Variants in NTF3 observed in about 807,000 individuals in gnomAD.
NTF3 encodes neurotrophin-3.
In NTF3, 8 loss-of-function variants were observed where a neutral mutation model predicts 26.3. The observed-to-expected ratio is 0.30, with a 90% confidence interval of 0.18 to 0.55. The LOEUF (loss-of-function observed/expected upper bound fraction) is 0.55, where lower values mean the gene tolerates loss of function less well. Ranked by LOEUF, NTF3 falls within the 20% of genes least tolerant of loss-of-function variation. NTF3 has a pLI of 0.93. For missense variants in NTF3, 276 were observed against 352.9 expected, an observed-to-expected ratio of 0.78 and a Z score of 1.75; for synonymous variants, 154 against 145.5, an observed-to-expected ratio of 1.06 and a Z score of -0.42.
rs566903014 is a variant in NTF3 at position 5,433,803 on chromosome 12, G to C, written c.18+1461G>C. Among the ~76,000 whole-genome samples the C allele has an allele frequency of 2.6e-5, 4 of 151,646 alleles. No homozygotes were observed. The highest frequency in any genetic ancestry group is 9.7e-5 in the African/African-American group (4 of 41,334). ...TCAGAGCTAGAGAGCTCGGGAGACTGTGCGCCTGTGGACTTGTTTATGTGT... is the reference window on the plus strand; with the variant it reads ...TCAGAGCTAGAGAGCTCGGGAGACTCTGCGCCTGTGGACTTGTTTATGTGT... On this transcript the variant is annotated intron_variant, in intron 1 of 1. Coordinates refer to ENST00000423158, the MANE Select transcript of NTF3 (RefSeq NM_001102654.2). The surrounding 1 kb of genome is among the most constrained non-coding windows in gnomAD (Gnocchi z 4.6).
chr12:5,480,967 C>T (rs997150993), intron 1 of NTF3, among the ~76,000 whole-genome samples: 10 of 152,198 alleles, frequency 6.6e-5, no homozygotes, highest in Admixed American at 5.9e-4. Flanking sequence ...CACATGTTTC[C>T]AGTTCATGGG....
chr12:5,494,454 A>G lies in NTF3; in HGVS notation c.279A>G (p.Ser93=). 1 of 1,613,672 alleles carries G rather than the reference A, an allele frequency of 6.2e-7. No homozygotes were observed. The highest frequency in any genetic ancestry group is 8.5e-7 in the Non-Finnish European group (1 of 1,179,998). ...REPERGGPAK[S]AFQPVIAMDT... is the part of the protein sequence containing the mutation. ...CGGAGCGGGGAGGGCCCGCCAAGTC[A>G]GCATTCCAGCCGGTGATTGCAATGG... Residue 93 remains serine (S), a synonymous_variant, in exon 2 of 2, where the codon TCA becomes TCG. Coordinates refer to ENST00000423158, the MANE Select transcript of NTF3 (RefSeq NM_001102654.2). This position sits in a 1 kb window ranked among gnomAD's most constrained non-coding sequence, Gnocchi z 8.3.
chr12:5,432,479 A>G, intron 1 of NTF3, 137 bp downstream of exon 1: 1 of 985,898 alleles, frequency 1.0e-6, no homozygotes, highest in East Asian at 2.8e-5. Context: ...GCGCTCACTC[A>G]CTTTCCCGGG....
intron 1 of NTF3, among the ~76,000 whole-genome samples, chr12:5,484,190 G>A (rs565816776): frequency 6.6e-6 from 1 of 152,182 alleles, no homozygotes; most frequent in East Asian, 1.9e-4. Flanking sequence ...TCCAGCTCTT[G>A]TACTGATGGA....
At chr12:5,481,578 C>CACA (rs1182544551) in intron 1 of NTF3, among the ~76,000 whole-genome samples, 3 of 24,214 alleles carry the variant, frequency 1.2e-4, no homozygotes, top group South Asian at 1.4e-3. Context: ...CATACATGCA[C>CACA]CACACAGAAT....
intron 1 of NTF3, among the ~76,000 whole-genome samples, chr12:5,467,427 T>C (rs943030203): frequency 6.6e-6 from 1 of 152,112 alleles, no homozygotes; most frequent in African/African-American, 2.4e-5. Context: ...TGTGGACATC[T>C]CAGTGCCTGG....
chr12:5,431,968 G>C (rs929898842), upstream of NTF3: 5 of 150,404 alleles, frequency 3.3e-5, no homozygotes, highest in African/African-American at 7.3e-5. Flanking sequence ...GGGCGGGGGG[G>C]GGGCTCTGGG....
intron 1 of NTF3, among the ~76,000 whole-genome samples, chr12:5,469,313 A>T (rs976088704): frequency 1.3e-5 from 2 of 152,128 alleles, no homozygotes; most frequent in African/African-American, 4.8e-5. Context: ...CATGGGAGCC[A>T]TTTTCGCAAC....
intron 1 of NTF3, among the ~76,000 whole-genome samples, chr12:5,478,404 T>C (rs1051201562): frequency 9.9e-5 from 15 of 152,208 alleles, no homozygotes; most frequent in African/African-American, 3.6e-4. Flanking sequence ...GGATCAAAAG[T>C]TTCACATTCT....
chr12:5,441,799 C>A (rs1940239941), intron 1 of NTF3, among the ~76,000 whole-genome samples: 2 of 152,186 alleles, frequency 1.3e-5, no homozygotes, highest in Admixed American at 6.5e-5. Context: ...TTACCTTTAT[C>A]CCCCTTTTGG....
chr12:5,453,977 T>G (rs1295964395), intron 1 of NTF3, among the ~76,000 whole-genome samples: 1 of 152,110 alleles, frequency 6.6e-6, no homozygotes, highest in Non-Finnish European at 1.5e-5. Flanking sequence ...GACAACAGAG[T>G]GAGGCCCTTG....
chr12:5,449,619 C>T (rs1289064045), intron 1 of NTF3, among the ~76,000 whole-genome samples: 11 of 152,176 alleles, frequency 7.2e-5, no homozygotes, highest in African/African-American at 2.7e-4. Flanking sequence ...ATTCCTGACT[C>T]CCGACTTTAC....
chr12:5,492,824 T>C (rs1468910697), intron 1 of NTF3, among the ~76,000 whole-genome samples: 1 of 152,234 alleles, frequency 6.6e-6, no homozygotes, highest in East Asian at 1.9e-4. Context: ...GAGTGAGCAC[T>C]GGCAGGCTCA....
chr12:5,455,533 AACACACACAC>A lies in NTF3; in HGVS notation c.18+23233_18+23242del, dbSNP rs60429736. On this transcript the variant is annotated intron_variant, in intron 1 of 1. Coordinates refer to ENST00000423158, the MANE Select transcript of NTF3 (RefSeq NM_001102654.2). ...CATCTGGCCTCTGTAACCCCTCCCC[AACACACACAC>A]ACACACACACACACACACACACACA... 5.3e-3 allele frequency among the ~76,000 whole-genome samples: 549 copies of A among 103,746 alleles called. 6 individuals are homozygous for A. The highest frequency in any genetic ancestry group is 5.6e-3 in the Non-Finnish European group (307 of 54,442). The allele number at this position is 103,746 out of a possible 152,430, so 68.1% of individuals were successfully genotyped here. A position where few individuals can be genotyped will look rare whatever the true frequency, so the allele number is the denominator to read the frequency against.
intron 1 of NTF3, among the ~76,000 whole-genome samples, chr12:5,482,450 C>T (rs1049582625): frequency 6.6e-6 from 1 of 152,212 alleles, no homozygotes; most frequent in Admixed American, 6.5e-5. Context: ...GTTCACTTCC[C>T]TGGCAGTAGA....
At chr12:5,437,989 G>A (rs1357939593) in intron 1 of NTF3, among the ~76,000 whole-genome samples, 8 of 152,244 alleles carry the variant, frequency 5.3e-5, no homozygotes, top group South Asian at 4.1e-4. Context: ...GGCTCAGATT[G>A]GATTGTCATT....
At chr12:5,462,586 G>A (rs1193517727) in intron 1 of NTF3, among the ~76,000 whole-genome samples, 4 of 152,180 alleles carry the variant, frequency 2.6e-5, no homozygotes, top group Non-Finnish European at 5.9e-5. Flanking sequence ...GACACATCAT[G>A]CCACACCCCA....
At chr12:5,486,764 G>T (rs1040772508) in intron 1 of NTF3, among the ~76,000 whole-genome samples, 4 of 152,148 alleles carry the variant, frequency 2.6e-5, no homozygotes, top group African/African-American at 9.7e-5. Context: ...TACCAAAATT[G>T]AAATGTTTCT....
intron 1 of NTF3, among the ~76,000 whole-genome samples, chr12:5,447,165 C>T (rs774584452): frequency 3.9e-5 from 6 of 152,198 alleles, no homozygotes; most frequent in Non-Finnish European, 7.3e-5. Context: ...TACAGCATCA[C>T]CTTCAGCTAT....
Sources: allele counts gnomAD v4.1 joint callset (sites outside exome capture counted in the v4.1 genomes callset), GRCh38; gene constraint gnomAD v4.1.1; non-coding constraint Gnocchi (gnomAD v3.1); transcripts MANE v1.5; gene names NCBI Gene and HGNC (gene_info 2026-07-23, HGNC 2026-07-21).